Variants in GRIK3 observed in about 807,000 individuals in gnomAD.
The protein encoded by GRIK3 is glutamate receptor ionotropic, kainate 3.
A neutral mutation model predicts 102.5 loss-of-function variants in GRIK3; 29 were observed. That is an observed-to-expected ratio of 0.28 (90% CI 0.21 to 0.39). The LOEUF (loss-of-function observed/expected upper bound fraction) is 0.39, where lower values mean the gene tolerates loss of function less well. Among genes scored for constraint, GRIK3 ranks in the 10% least tolerant of loss-of-function variants. The pLI is 1.00. For synonymous variants in GRIK3, 511 were observed against 504.9 expected (o/e 1.01, Z -0.16); for missense variants, 908 against 1,252.4 (o/e 0.73, Z 4.15).
intron 10 of GRIK3, among the ~76,000 whole-genome samples, chr1:36,838,147 C>T (rs781601223): frequency 1.3e-5 from 2 of 152,172 alleles, no homozygotes; most frequent in African/African-American, 2.4e-5. Flanking sequence ...GGGAACTTGG[C>T]GAAGCATTTT....
chr1:36,956,443 C>T (rs1488639940), intron 1 of GRIK3, among the ~76,000 whole-genome samples: 7 of 152,180 alleles, frequency 4.6e-5, no homozygotes, highest in Non-Finnish European at 1.0e-4. Context: ...GGCAGCATTC[C>T]GCATGCCCAC....
chr1:36,969,781 C>T (rs1642122153), intron 1 of GRIK3, among the ~76,000 whole-genome samples: 1 of 152,230 alleles, frequency 6.6e-6, no homozygotes, highest in African/African-American at 2.4e-5. Flanking sequence ...GGCCATAACA[C>T]ACATCTTCTC....
intron 1 of GRIK3, among the ~76,000 whole-genome samples, chr1:37,022,179 C>A (rs979444426): frequency 6.6e-6 from 1 of 152,200 alleles, no homozygotes; most frequent in Non-Finnish European, 1.5e-5. Flanking sequence ...TGTCTACATA[C>A]CCTTGCAGGA....
intron 10 of GRIK3, among the ~76,000 whole-genome samples, chr1:36,837,679 G>A (rs1437813802): frequency 1.3e-5 from 2 of 152,052 alleles, no homozygotes; most frequent in Admixed American, 6.5e-5. Context: ...TTCAGCACCC[G>A]AGACTCTTCA....
chr1:36,941,281 C>G (rs563889903), intron 1 of GRIK3, among the ~76,000 whole-genome samples: 1 of 152,376 alleles, frequency 6.6e-6, no homozygotes, highest in Non-Finnish European at 1.5e-5. Flanking sequence ...GCGCCAGACA[C>G]ACAGCTGGGC....
intron 1 of GRIK3, among the ~76,000 whole-genome samples, chr1:36,923,491 G>T (rs1261241603): frequency 6.6e-6 from 1 of 152,068 alleles, no homozygotes; most frequent in Non-Finnish European, 1.5e-5. Flanking sequence ...GCTTAAGGCA[G>T]AAGCAGCAGG....
chr1:36,807,923 C>G (rs1313527270), intron 13 of GRIK3, among the ~76,000 whole-genome samples: 1 of 152,202 alleles, frequency 6.6e-6, no homozygotes, highest in South Asian at 2.1e-4. Flanking sequence ...ACTGGCCTCT[C>G]CCAGCCCCTC....
intron 1 of GRIK3, among the ~76,000 whole-genome samples, chr1:36,948,527 C>T (rs960943709): frequency 6.6e-6 from 1 of 152,178 alleles, no homozygotes; most frequent in Admixed American, 6.5e-5. Context: ...AAGAAAGAGG[C>T]AACCCCTGCC....
chr1:37,001,400 TA>T (rs1315873751), intron 1 of GRIK3, among the ~76,000 whole-genome samples: 8 of 152,226 alleles, frequency 5.3e-5, no homozygotes, highest in African/African-American at 1.9e-4. Flanking sequence ...TTAACTTAGT[TA>T]CTTCCAGGAT....
In GRIK3 at chr1:36,806,698, C is replaced by A. The variant is rs1486414751; in HGVS notation, c.2092-372G>T. On this transcript the variant is annotated intron_variant, in intron 13 of 15. Coordinates refer to ENST00000373091, the MANE Select transcript of GRIK3 (RefSeq NM_000831.4). This position sits in a 1 kb window ranked among gnomAD's most constrained non-coding sequence, Gnocchi z 4.0. ...GCATTAACTCGTTGATTCTTCACAG[C>A]GCTCACAGGAGGCAGGCACCATCAC... Among the ~76,000 whole-genome samples the A allele has an allele frequency of 1.3e-5, 2 of 152,182 alleles. No homozygotes were observed. The highest frequency in any genetic ancestry group is 2.9e-5 in the Non-Finnish European group (2 of 68,028).
At chr1:36,949,397 G>A (rs1641818252) in intron 1 of GRIK3, among the ~76,000 whole-genome samples, 1 of 152,086 alleles carries the variant, frequency 6.6e-6, no homozygotes, top group Admixed American at 6.6e-5. Flanking sequence ...CTCTCCCCAA[G>A]AAGGCAGACC....
intron 1 of GRIK3, among the ~76,000 whole-genome samples, chr1:36,908,778 GGTGTGTGT>G (rs56228690): frequency 8.2e-5 from 12 of 147,004 alleles, no homozygotes; most frequent in African/African-American, 2.7e-4. Context: ...AATGGGATAG[GGTGTGTGT>G]GTGTGTGTGT....
chr1:36,896,049 G>C (rs1641168467), intron 1 of GRIK3, among the ~76,000 whole-genome samples: 1 of 152,116 alleles, frequency 6.6e-6, no homozygotes, highest in South Asian at 2.1e-4. Context: ...CAAAAGTGGA[G>C]AGAAATAAAG....
chr1:36,887,494 T>C (rs909990192), intron 2 of GRIK3, among the ~76,000 whole-genome samples: 5 of 152,034 alleles, frequency 3.3e-5, no homozygotes, highest in Non-Finnish European at 5.9e-5. Context: ...TGGTGGCTCA[T>C]ACTTGTAATC....
chr1:37,005,192 G>T (rs1199302253), intron 1 of GRIK3, among the ~76,000 whole-genome samples: 1 of 152,134 alleles, frequency 6.6e-6, no homozygotes, highest in Non-Finnish European at 1.5e-5. Flanking sequence ...GGCCCTGCTT[G>T]CCTGGGTCCC....
intron 9 of GRIK3, among the ~76,000 whole-genome samples, chr1:36,845,304 C>G (rs151182388): frequency 2.0e-4 from 30 of 152,362 alleles, no homozygotes; most frequent in African/African-American, 7.0e-4. Context: ...ACTTCACGCT[C>G]TTCTATTGCT....
chr1:36,825,610 T>A lies in GRIK3; in HGVS notation c.1747A>T (p.Ile583Phe). The A allele has an allele frequency of 6.4e-7, 1 of 1,571,932 alleles. No homozygotes were observed. Among genetic ancestry groups the A allele is most frequent in the Non-Finnish European group, 8.6e-7 (1 of 1,158,056 alleles). The change falls in exon 11 of 16, where the codon ATC becomes TTC. Residue 583 changes from isoleucine (I) to phenylalanine (F), a missense_variant. Transcript: ENST00000373091. ...GCCAAGGAATTGCCTTACCTGGCGA[T>A]GACGAAGAGGACACAGCTGACCCCC... ...YLGVSCVLFVIARFSPYEWYD... is the reference protein window; with the variant it reads ...YLGVSCVLFVFARFSPYEWYD...
At chr1:36,972,532 C>T (rs1282314776) in intron 1 of GRIK3, among the ~76,000 whole-genome samples, 1 of 152,198 alleles carries the variant, frequency 6.6e-6, no homozygotes, top group African/African-American at 2.4e-5. Flanking sequence ...CAAGGGCTCC[C>T]ACAACCTCCA....
At chr1:36,912,424 C>T (rs1368365890) in intron 1 of GRIK3, among the ~76,000 whole-genome samples, 1 of 151,946 alleles carries the variant, frequency 6.6e-6, no homozygotes, top group Non-Finnish European at 1.5e-5. Flanking sequence ...GAACAGAACC[C>T]CCCTCCTCCC....
Sources: gnomAD v4.1 joint callset for allele counts (sites outside exome capture counted in the v4.1 genomes callset) on GRCh38, gnomAD v4.1.1 for gene constraint, Gnocchi (gnomAD v3.1) non-coding constraint, MANE v1.5 for transcripts, NCBI Gene and HGNC (gene_info 2026-07-23, HGNC 2026-07-21) for gene names.